NOTCH1: variants seen among roughly 807,000 people sequenced by gnomAD.
NOTCH1 encodes the protein neurogenic locus notch homolog protein 1.
A neutral mutation model predicts 254.8 loss-of-function variants in NOTCH1; 37 were observed. That is an observed-to-expected ratio of 0.15 (90% confidence interval 0.11 to 0.19). NOTCH1 has a LOEUF of 0.19. Among genes scored for constraint, NOTCH1 ranks in the 10% least tolerant of loss-of-function variants. The probability of loss-of-function intolerance (pLI) is 1.00; values close to 1 mark genes in which losing one functional copy is unlikely to be tolerated. For missense variants in NOTCH1, 2,972 were observed against 3,708.6 expected (o/e 0.80, Z 5.16); for synonymous variants, 1,731 against 1,618.1 (o/e 1.07, Z -1.68).
intron 2 of NOTCH1, among the ~76,000 whole-genome samples, chr9:136,539,409 G>A (rs919729363): frequency 4.6e-5 from 7 of 152,048 alleles, no homozygotes; most frequent in African/African-American, 1.7e-4. Context: ...GTTTTTTTGA[G>A]ACAGAGTCTC....
rs753404845 is a variant in NOTCH1 at position 136,496,057 on chromosome 9, G to A, written c.*14C>T. On this transcript the variant is annotated 3_prime_UTR_variant, in exon 34 of 34. Coordinates refer to ENST00000651671, the MANE Select transcript of NOTCH1 (RefSeq NM_017617.5). ...GCTTGGGAAAGGAAGCCGGGGTCTC[G>A]TGGGGCGCGCCGTTTACTTGAAGGC... is the stretch of plus-strand genomic sequence containing the variant. The A allele has an allele frequency of 2.6e-5, 42 of 1,592,544 alleles. No individual in the cohort carries two copies. The highest frequency in any genetic ancestry group is 2.0e-4 in the South Asian group (18 of 88,650).
chr9:136,528,544 G>C (rs1037973483), intron 2 of NOTCH1, among the ~76,000 whole-genome samples: 2 of 149,754 alleles, frequency 1.3e-5, no homozygotes, highest in Non-Finnish European at 3.0e-5. Flanking sequence ...GGACGGGCAG[G>C]GACAGTTGGT....
chr9:136,510,597 G>C (rs1843163802), intron 17 of NOTCH1, 56 bp downstream of exon 17: 1 of 1,570,454 alleles, frequency 6.4e-7, no homozygotes, highest in Non-Finnish European at 8.6e-7. Flanking sequence ...ACCCTGCCCG[G>C]GGGAACTGAG....
rs557049479 is a variant in NOTCH1 at position 136,509,838 on chromosome 9, C to T, written c.2864G>A (p.Arg955His). 8.4e-5 allele frequency: 135 copies of T among 1,613,122 alleles called. No homozygotes were observed. The highest frequency in any genetic ancestry group is 7.5e-4 in the South Asian group (68 of 91,086). ...DINECASDPC[R>H]NGANCTDCVD... Reference sequence around the variant, plus strand: ...GCAGTCCGTGCAGTTGGCCCCGTTGCGGCAGGGGTCACTGGCACACTCGTT... The same window carrying T: ...GCAGTCCGTGCAGTTGGCCCCGTTGTGGCAGGGGTCACTGGCACACTCGTT... The change falls in exon 18 of 34, where the codon CGC becomes CAC. Residue 955 changes from arginine (R) to histidine (H), a missense_variant. Physicochemically the swap from Arg to His is conservative, Grantham distance 29. This residue lies in a region of NOTCH1 where 1,343 missense variants were observed against 1,557.0 expected (regional missense o/e 0.86). Coordinates refer to ENST00000651671, the MANE Select transcript of NOTCH1 (RefSeq NM_017617.5).
rs56934533 is a variant in NOTCH1, at chr9:136,512,893, C to A, written c.2467+128G>T. 1.6e-3 allele frequency: 1,057 copies of A among 668,614 alleles called. 16 individuals carry two copies. In the African/African-American group the frequency reaches 0.017, roughly 11 times the overall value. The allele number at this position is 668,614 out of a possible 1,614,324, so 41.4% of individuals were successfully genotyped here. ...AAGCCACCACTTTACCCTCCAGTCACGGCTTCCCAGGCCGCCCCCACCCCT... is the reference window on the plus strand; with the variant it reads ...AAGCCACCACTTTACCCTCCAGTCAAGGCTTCCCAGGCCGCCCCCACCCCT... On this transcript the variant is annotated intron_variant, in intron 15 of 33. Transcript: ENST00000651671.
chr9:136,545,693 A>G lies in NOTCH1; in HGVS notation c.61+33T>C. 6.9e-7 allele frequency: 1 copy of G among 1,441,708 alleles called. No homozygotes were observed. The highest frequency in any genetic ancestry group is 1.3e-5 in the South Asian group (1 of 75,304). 89.3% of individuals were successfully genotyped at this position (1,441,708 alleles called of 1,614,324 possible). On this transcript the variant is annotated intron_variant, in intron 1 of 33. Transcript: ENST00000651671. The surrounding 1 kb of genome is among the most constrained non-coding windows in gnomAD (Gnocchi z 6.8). ...CCGCCAAAGTTTCCAAAGGGCGCGG[A>G]AAGTGGGGGCTCGCGGGTGGGTGGG...
At chr9:136,530,854 G>A (rs569281169) in intron 2 of NOTCH1, among the ~76,000 whole-genome samples, 2 of 152,302 alleles carry the variant, frequency 1.3e-5, no homozygotes, top group Non-Finnish European at 2.9e-5. Flanking sequence ...CAATGGACAG[G>A]CCCACAGCAG....
intron 2 of NOTCH1, among the ~76,000 whole-genome samples, chr9:136,528,004 T>C (rs987887142): frequency 3.3e-5 from 5 of 152,114 alleles, no homozygotes; most frequent in African/African-American, 1.2e-4. Context: ...AGGCAGATGC[T>C]GCCGAGACCT....
rs1843793182 is a variant in NOTCH1 at position 136,545,056 on chromosome 9, C to T, written c.61+670G>A. On this transcript the variant is annotated intron_variant, in intron 1 of 33. Coordinates refer to ENST00000651671, the MANE Select transcript of NOTCH1 (RefSeq NM_017617.5). This position sits in a 1 kb window ranked among gnomAD's most constrained non-coding sequence, Gnocchi z 6.8. ...GGGAGAAATGTAAGAGCCCCCCACC[C>T]GCGTCCCGCTCTCCGCCCCCAAGCT... is the stretch of plus-strand genomic sequence containing the variant. Among the ~76,000 whole-genome samples, 2 of 152,198 alleles carry T rather than the reference C, an allele frequency of 1.3e-5. No homozygotes were observed. Among genetic ancestry groups the T allele is most frequent in the South Asian group, 2.1e-4 (1 of 4,836 alleles).
chr9:136,499,097 C>A lies in NOTCH1; in HGVS notation c.6082+15G>T, dbSNP rs2133322412. The A allele has an allele frequency of 6.2e-7, 1 of 1,612,882 alleles. No individual in the cohort carries two copies. Among genetic ancestry groups the A allele is most frequent in the Non-Finnish European group, 8.5e-7 (1 of 1,179,968 alleles). ...CCCGCCCCACGACAGAGCAGCCGTG[C>A]CCCCGTGGGCTCACCCAGGTCATCT... On this transcript the variant is annotated intron_variant, in intron 32 of 33. Transcript: ENST00000651671.
intron 2 of NOTCH1, among the ~76,000 whole-genome samples, chr9:136,527,914 G>C (rs1230094238): frequency 6.6e-6 from 1 of 152,106 alleles, no homozygotes; most frequent in Non-Finnish European, 1.5e-5. Context: ...CTTTGTTCCC[G>C]CCTCAGTATT....
intron 33 of NOTCH1, 130 bp from the exon 34 acceptor site, chr9:136,497,688 A>C (rs2133319777): frequency 2.8e-6 from 2 of 710,896 alleles, no homozygotes; most frequent in Admixed American, 5.7e-5. Flanking sequence ...GCTGCTCCTC[A>C]GGACCCCACC....
rs72775789 is a variant in NOTCH1 at position 136,523,237 on chromosome 9, G to T, written c.404-49C>A. On this transcript the variant is annotated intron_variant, in intron 3 of 33. Transcript: ENST00000651671. ...TCGTGCTGGCCTCACTGCTCCCCGA[G>T]GCCGGGCCTTCCCTCCCTTCAGGCC... 9.1e-3 allele frequency: 14,063 copies of T among 1,537,440 alleles called. 89 individuals are homozygous for T. Among genetic ancestry groups the T allele is most frequent in the Non-Finnish European group, 0.011 (12,043 of 1,139,438 alleles).
At chr9:136,517,125 C>G (rs192057446) in intron 9 of NOTCH1, 147 bp downstream of exon 9, 2 of 592,058 alleles carry the variant, frequency 3.4e-6, no homozygotes, top group South Asian at 1.9e-5. Context: ...GCGGACGGCC[C>G]GAGGGCAGGG....
intron 2 of NOTCH1, among the ~76,000 whole-genome samples, chr9:136,536,765 C>T (rs1246714590): frequency 2.0e-5 from 3 of 152,228 alleles, no homozygotes; most frequent in Non-Finnish European, 2.9e-5. Flanking sequence ...TGGCCAAGCC[C>T]GTCCATCCTG....
At chr9:136,524,778 C>G (rs1843434526) in intron 2 of NOTCH1, among the ~76,000 whole-genome samples, 2 of 151,892 alleles carry the variant, frequency 1.3e-5, no homozygotes, top group Non-Finnish European at 2.9e-5. Flanking sequence ...GCTGGGACTA[C>G]AGGCACCTGA....
chr9:136,506,445 G>T lies in NOTCH1; in HGVS notation c.4014+82C>A. On this transcript the variant is annotated intron_variant, in intron 24 of 33. Coordinates refer to ENST00000651671, the MANE Select transcript of NOTCH1 (RefSeq NM_017617.5). This position sits in a 1 kb window ranked among gnomAD's most constrained non-coding sequence, Gnocchi z 4.5. The stretch of plus-strand genomic sequence containing the variant: ...TGAAGGCCGGGAGGATCACTGCCCG[G>T]TCTGCGCCCCGAGGCCCCCACGTGG... The T allele has an allele frequency of 1.6e-6, 2 of 1,235,644 alleles. No homozygotes were observed. Among genetic ancestry groups the T allele is most frequent in the Non-Finnish European group, 1.1e-6 (1 of 872,566 alleles). The allele number at this position is 1,235,644 out of a possible 1,614,324, so 76.5% of individuals were successfully genotyped here.
rs1047184048 is a variant in NOTCH1 at position 136,527,359 on chromosome 9, G to A, written c.141-3380C>T. Among the ~76,000 whole-genome samples, 3 of 152,354 alleles carry A rather than the reference G, an allele frequency of 2.0e-5. No homozygotes were observed. The East Asian group carries it at 5.8e-4, about 29-fold the overall frequency. On this transcript the variant is annotated intron_variant, in intron 2 of 33. Transcript: ENST00000651671. ...GGCGCTGGCCACACCCCCGGTACCC[G>A]GGCCACTCTGTCTTCAATGCTGTCC...
At chr9:136,533,321 TCTCTTACTGAAAAGCCGTCAGG>T (rs879553652) in intron 2 of NOTCH1, among the ~76,000 whole-genome samples, 35,756 of 101,854 alleles carry the variant, frequency 0.35, 8,688 homozygotes, top group East Asian at 0.77. Context: ...AGCTCAAGCA[TCTCTTACTGAAAAGCCGTCAGG>T]GAAACCACAC....
Sources: allele counts gnomAD v4.1 joint callset (sites outside exome capture counted in the v4.1 genomes callset), GRCh38; gene constraint gnomAD v4.1.1; regional missense constraint gnomAD v4.1.1; non-coding constraint Gnocchi (gnomAD v3.1); transcripts MANE v1.5; gene names NCBI Gene and HGNC (gene_info 2026-07-23, HGNC 2026-07-21).